The following TG variants were observed in gnomAD, a reference collection of about 807,000 sequenced individuals.
TG encodes the protein thyroglobulin.
A neutral mutation model predicts 324.7 loss-of-function variants in TG; 270 were observed. That is an observed-to-expected ratio of 0.83 (90% CI 0.75 to 0.92). TG has a LOEUF of 0.92. Ranked by LOEUF, TG falls within the 40% of genes least tolerant of loss-of-function variation. TG has a pLI of 0.00. For synonymous variants in TG, 1,401 were observed against 1,327.0 expected, an observed-to-expected ratio of 1.06 and a Z score of -1.21; for missense variants, 3,591 against 3,456.4, an observed-to-expected ratio of 1.04 and a Z score of -0.98.
At chr8:132,902,861 A>G (rs1350815921) in intron 16 of TG, among the ~76,000 whole-genome samples, 3 of 152,176 alleles carry the variant, frequency 2.0e-5, no homozygotes, top group African/African-American at 7.2e-5. Flanking sequence ...ACTCCATGAT[A>G]CAGTTCCCGT....
chr8:132,967,849 C>A lies in TG; in HGVS notation c.5742C>A (p.Ser1914=). 1 of 1,614,004 alleles carries A rather than the reference C, an allele frequency of 6.2e-7. No homozygotes were observed. The highest frequency in any genetic ancestry group is 8.5e-7 in the Non-Finnish European group (1 of 1,179,944). Residue 1914 remains serine, a synonymous_variant, in exon 31 of 48, where the codon TCC becomes TCA. Transcript: ENST00000220616. The part of the protein sequence containing the change: ...CQLAEITESA[S]LYFTCTLYPE... Reference sequence around the variant, plus strand: ...TCGCAGAGATAACAGAGAGTGCATCCTTGTACTTCACCTGCACCCTCTACC... The same window carrying A: ...TCGCAGAGATAACAGAGAGTGCATCATTGTACTTCACCTGCACCCTCTACC...
At chr8:132,966,965 A>G (rs762828327) in intron 30 of TG, among the ~76,000 whole-genome samples, 6 of 151,870 alleles carry the variant, frequency 4.0e-5, no homozygotes, top group Non-Finnish European at 7.4e-5. Context: ...CCATCCATCC[A>G]TCTACCCATC....
chr8:133,017,700 C>A, intron 37 of TG, 78 bp from the exon 38 acceptor site: 1 of 1,367,666 alleles, frequency 7.3e-7, no homozygotes, highest in Non-Finnish European at 1.0e-6. Context: ...GTTGAAAGCA[C>A]ATTCAGAATG....
intron 41 of TG, among the ~76,000 whole-genome samples, chr8:133,063,392 A>G (rs995047564): frequency 6.6e-6 from 1 of 152,144 alleles, no homozygotes; most frequent in African/African-American, 2.4e-5. Flanking sequence ...AAGTCAGAAC[A>G]AGATTTTGCT....
chr8:133,051,098 C>T (rs1469824999), intron 41 of TG, among the ~76,000 whole-genome samples: 1 of 152,156 alleles, frequency 6.6e-6, no homozygotes, highest in Non-Finnish European at 1.5e-5. Context: ...GGTGTGCGTA[C>T]GAGCCCTGAG....
chr8:133,032,543 C>T (rs1411464052), intron 41 of TG, among the ~76,000 whole-genome samples: 2 of 152,226 alleles, frequency 1.3e-5, no homozygotes, highest in Admixed American at 1.3e-4. Flanking sequence ...ACCCTTCCAT[C>T]TGTTTTAGTC....
chr8:133,101,530 C>T (rs1849251004), intron 43 of TG, among the ~76,000 whole-genome samples: 1 of 152,182 alleles, frequency 6.6e-6, no homozygotes, highest in South Asian at 2.1e-4. Flanking sequence ...GATACCCACC[C>T]AGCCCCTCCT....
intron 45 of TG, among the ~76,000 whole-genome samples, chr8:133,118,320 CTTTTTTT>C (rs34171048): frequency 3.4e-5 from 3 of 88,972 alleles, no homozygotes; most frequent in East Asian, 6.2e-4. Context: ...CAGATTCTTC[CTTTTTTT>C]TTTTTTTTTT....
At chr8:133,030,581 T>A (rs767666446) in intron 41 of TG, among the ~76,000 whole-genome samples, 1 of 152,254 alleles carries the variant, frequency 6.6e-6, no homozygotes, top group Admixed American at 6.5e-5. Context: ...GCACATCCAA[T>A]TGGTGCCAGA....
At chr8:132,906,058 T>C (rs910764376) in intron 16 of TG, among the ~76,000 whole-genome samples, 2 of 151,896 alleles carry the variant, frequency 1.3e-5, no homozygotes, top group Non-Finnish European at 2.9e-5. Flanking sequence ...CTGCCAGCAG[T>C]GGGGACTGAG....
At chr8:132,925,516 CGTGTGTGT>C (rs139966752) in intron 22 of TG, among the ~76,000 whole-genome samples, 3 of 144,730 alleles carry the variant, frequency 2.1e-5, no homozygotes, top group African/African-American at 5.1e-5. Flanking sequence ...CTAAGGAGTG[CGTGTGTGT>C]GTGTGTGTGT....
Position 132,948,948 on chromosome 8 carries a change from G to C in TG, c.5401+5G>C, listed in dbSNP as rs1157062554. On this transcript the variant is annotated splice_donor_5th_base_variant and intron_variant, in intron 27 of 47. Transcript: ENST00000220616. ...GAGACCAGGAGTTCATCAAGAGTAA[G>C]TCTTTGCCATTTGTCCATATTCTTT... 6.2e-7 allele frequency: 1 copy of C among 1,612,732 alleles called. No individual in the cohort carries two copies. Among genetic ancestry groups the C allele is most frequent in the East Asian group, 2.2e-5 (1 of 44,866 alleles).
At chr8:132,897,548 G>A in intron 11 of TG, 101 bp from the exon 12 acceptor site, 7 of 1,481,884 alleles carry the variant, frequency 4.7e-6, no homozygotes, top group South Asian at 4.5e-5. Flanking sequence ...AAATAAGAAG[G>A]CCTCCTTATG....
chr8:132,998,026 A>G (rs1833045194), intron 35 of TG, among the ~76,000 whole-genome samples: 1 of 152,166 alleles, frequency 6.6e-6, no homozygotes, highest in Admixed American at 6.5e-5. Context: ...CACACTAAAG[A>G]TAAAGGAAGA....
At chr8:132,902,769 C>T (rs77847924) in intron 16 of TG, among the ~76,000 whole-genome samples, 64 of 152,292 alleles carry the variant, frequency 4.2e-4, no homozygotes, top group East Asian at 2.3e-3. Flanking sequence ...GGACACAGAC[C>T]GGTGTGGCCT....
chr8:133,084,666 C>T (rs997590702), intron 41 of TG, among the ~76,000 whole-genome samples: 8 of 152,236 alleles, frequency 5.3e-5, no homozygotes. Flanking sequence ...TGACAGGTGC[C>T]TGCTCTGAAC....
intron 26 of TG, among the ~76,000 whole-genome samples, chr8:132,942,633 G>A (rs191018786): frequency 3.0e-4 from 46 of 152,238 alleles, no homozygotes; most frequent in Non-Finnish European, 6.3e-4. Flanking sequence ...GGAATAAATG[G>A]CCTTTACTCA....
Position 133,079,667 on chromosome 8 carries a change from A to G in TG, c.7240-15377A>G, listed in dbSNP as rs147613546. ...CCAGTATGAGCAGATTTCCATTCCT[A>G]CTTTATAGCTTGATTTGTTTTCCTC... On this transcript the variant is annotated intron_variant, in intron 41 of 47. Transcript: ENST00000220616. Among the ~76,000 whole-genome samples the G allele has an allele frequency of 6.7e-4, 102 of 152,256 alleles. 1 individual carries two copies. The highest frequency in any genetic ancestry group is 2.3e-3 in the African/African-American group (97 of 41,540).
intron 41 of TG, chr8:133,090,157 T>G (rs898371386): frequency 1.3e-5 from 2 of 152,220 alleles, no homozygotes; most frequent in African/African-American, 4.8e-5. Flanking sequence ...GGTTGATAAC[T>G]CTCAGGTAAT....
Sources: gnomAD v4.1 joint callset for allele counts (sites outside exome capture counted in the v4.1 genomes callset) on GRCh38, gnomAD v4.1.1 for gene constraint, MANE v1.5 for transcripts, NCBI Gene and HGNC (gene_info 2026-07-23, HGNC 2026-07-21) for gene names.